Variants in B3GALNT2 observed in about 807,000 individuals in gnomAD.
B3GALNT2 encodes the protein UDP-GalNAc:beta-1,3-N-acetylgalactosaminyltransferase 2.
In B3GALNT2, 53 loss-of-function variants were observed where a neutral mutation model predicts 61.1. That is an observed-to-expected ratio of 0.87 (90% confidence interval 0.70 to 1.09). The LOEUF is 1.09. B3GALNT2 is among the 50% of genes least tolerant of loss of function. The pLI is 0.00. For missense variants in B3GALNT2, 544 were observed against 623.0 expected, an observed-to-expected ratio of 0.87 and a Z score of 1.35; for synonymous variants, 223 against 237.4, an observed-to-expected ratio of 0.94 and a Z score of 0.56.
At chr1:235,495,186 A>G (rs1260693756) in intron 1 of B3GALNT2, among the ~76,000 whole-genome samples, 2 of 152,238 alleles carry the variant, frequency 1.3e-5, no homozygotes, top group African/African-American at 4.8e-5. Flanking sequence ...AGGCTCTATC[A>G]TATATTAACT....
chr1:235,444,363 G>GA (rs1212850018), downstream of B3GALNT2, among the ~76,000 whole-genome samples: 1 of 152,158 alleles, frequency 6.6e-6, no homozygotes, highest in Non-Finnish European at 1.5e-5. Context: ...GGCCCTGGTG[G>GA]AGACAGACTA....
chr1:235,466,504 C>A (rs1019536984), intron 6 of B3GALNT2, among the ~76,000 whole-genome samples: 1 of 152,110 alleles, frequency 6.6e-6, no homozygotes, highest in East Asian at 1.9e-4. Flanking sequence ...AGGTGTGCAC[C>A]ACCATGCCCA....
At chr1:235,455,294 G>A (rs1027267767) in intron 9 of B3GALNT2, among the ~76,000 whole-genome samples, 7 of 151,806 alleles carry the variant, frequency 4.6e-5, no homozygotes, top group African/African-American at 1.7e-4. Context: ...ATTTTTTGTA[G>A]GGACAGGGTC....
At chr1:235,466,491 T>G (rs1417888268) in intron 6 of B3GALNT2, among the ~76,000 whole-genome samples, 1 of 152,198 alleles carries the variant, frequency 6.6e-6, no homozygotes, top group Non-Finnish European at 1.5e-5. Context: ...CAGCTAGCAC[T>G]ACAGGTGTGC....
In B3GALNT2 at chr1:235,448,099, CT is replaced by C. The variant is rs779518151; in HGVS notation, c.*2106del. Among the ~76,000 whole-genome samples the C allele has an allele frequency of 3.3e-5, 5 of 151,600 alleles. No individual in the cohort carries two copies. Among genetic ancestry groups the C allele is most frequent in the Non-Finnish European group, 7.4e-5 (5 of 67,956 alleles). On this transcript the variant is annotated 3_prime_UTR_variant, in exon 12 of 12. Transcript: ENST00000366600. ...TGATGGGCACCAGCTACTCAGGAGGCTGAGGCAGGAGAATTGTTTGAACCCG... is the reference window on the plus strand; with the variant it reads ...TGATGGGCACCAGCTACTCAGGAGGCGAGGCAGGAGAATTGTTTGAACCCG...
At chr1:235,465,399 GT>G (rs1445225767) in intron 7 of B3GALNT2, 3 of 460,916 alleles carry the variant, frequency 6.5e-6, no homozygotes, top group Non-Finnish European at 1.1e-5. Context: ...GGGGTGGGGG[GT>G]TGGGGAGGTA....
At chr1:235,440,128 A>G in the B3GALNT2 span, among the ~76,000 whole-genome samples, 273 of 151,382 alleles carry the variant, frequency 1.8e-3, no homozygotes, top group African/African-American at 4.4e-3. Flanking sequence ...CCACCACCAC[A>G]CCCGGCTAAT....
chr1:235,465,437 G>C, intron 7 of B3GALNT2, 199 bp downstream of exon 7: 1 of 782,418 alleles, frequency 1.3e-6, no homozygotes, highest in South Asian at 2.4e-5. Flanking sequence ...GCTAATGGGT[G>C]TGGGGTTTCC....
intron 3 of B3GALNT2, 25 bp from the exon 4 acceptor site, chr1:235,484,540 T>A (rs1209202835): frequency 6.2e-7 from 1 of 1,604,840 alleles, no homozygotes; most frequent in African/African-American, 1.3e-5. Context: ...CAGGTTTATA[T>A]AACTGAACAA....
intron 6 of B3GALNT2, among the ~76,000 whole-genome samples, chr1:235,466,111 C>CTTT (rs1683681527): frequency 6.6e-6 from 1 of 151,850 alleles, no homozygotes; most frequent in Admixed American, 6.6e-5. Context: ...TCTTGGCATG[C>CTTT]TTTAAAGTTA....
intron 1 of B3GALNT2, among the ~76,000 whole-genome samples, chr1:235,499,906 T>C (rs1402894271): frequency 6.6e-6 from 1 of 152,134 alleles, no homozygotes; most frequent in Non-Finnish European, 1.5e-5. Flanking sequence ...GTAATTTTTA[T>C]ATAGAAAGGA....
the B3GALNT2 span, chr1:235,441,791 A>T: frequency 8.9e-5 from 144 of 1,610,350 alleles, no homozygotes; most frequent in Admixed American, 1.5e-4. Flanking sequence ...TTTATCATTC[A>T]TCTCTTTTGC....
chr1:235,458,660 AC>A lies in B3GALNT2; in HGVS notation c.967del (p.Val323TrpfsTer15). The A allele has an allele frequency of 6.2e-7, 1 of 1,613,222 alleles. No homozygotes were observed. Among genetic ancestry groups the A allele is most frequent in the Non-Finnish European group, 8.5e-7 (1 of 1,179,700 alleles). Reference protein sequence around the residue: ...ESSIYDDIVFVDVVDTYRNVP... With the variant: ...ESSIYDDIVFXDVVDTYRNVP... ...ATTACGATAAGTGTCGACAACATCC[AC>A]AAAAACAATATCATCATAGATGCTG... On this transcript the variant is annotated frameshift_variant, in exon 8 of 12. Transcript: ENST00000366600. LOFTEE classifies it high-confidence loss of function.
chr1:235,454,492 G>A (rs1377154472), intron 9 of B3GALNT2, among the ~76,000 whole-genome samples, 177 bp from the exon 10 acceptor site: 3 of 152,126 alleles, frequency 2.0e-5, no homozygotes, highest in East Asian at 1.9e-4. Context: ...AGGCTGGAGT[G>A]TAGTGGTGCC....
At chr1:235,502,528 T>C (rs924022497) in intron 1 of B3GALNT2, among the ~76,000 whole-genome samples, 12 of 152,226 alleles carry the variant, frequency 7.9e-5, no homozygotes, top group African/African-American at 2.4e-4. Context: ...CCTACGTTAT[T>C]ACCCTGTTCC....
chr1:235,474,981 A>AT (rs1558425458), intron 5 of B3GALNT2, among the ~76,000 whole-genome samples: 154 of 37,442 alleles, frequency 4.1e-3, no homozygotes, highest in Non-Finnish European at 5.4e-3. Context: ...ATATATATAT[A>AT]TATATATTTT....
chr1:235,475,607 A>G (rs993199610), intron 5 of B3GALNT2, among the ~76,000 whole-genome samples: 2 of 152,232 alleles, frequency 1.3e-5, no homozygotes, highest in Non-Finnish European at 2.9e-5. Flanking sequence ...GCCTTGATGC[A>G]GTAAAAAAAA....
At position 235,458,096 on chromosome 1, in the gene B3GALNT2, CAG is replaced by C. The variant is rs542561295; in HGVS notation, c.1025+505_1025+506del. ...CTAATTTTTGTATTTTTAGTAGAAA[CAG>C]GGTTTCACCATGTTGGCCAGGCTGG... is the stretch of plus-strand genomic sequence containing the variant. On this transcript the variant is annotated intron_variant, in intron 8 of 11. Transcript: ENST00000366600. 2.9e-3 allele frequency among the ~76,000 whole-genome samples: 444 copies of C among 152,026 alleles called. 2 individuals are homozygous for C. Among genetic ancestry groups the C allele is most frequent in the African/African-American group, 0.01 (434 of 41,476 alleles).
chr1:235,500,653 T>C (rs951392501), intron 1 of B3GALNT2, among the ~76,000 whole-genome samples: 6 of 152,146 alleles, frequency 3.9e-5, no homozygotes, highest in Admixed American at 2.6e-4. Flanking sequence ...CTGTCACAGA[T>C]CTAATGATAA....
Sources: gnomAD v4.1 joint callset for allele counts (sites outside exome capture counted in the v4.1 genomes callset) on GRCh38, gnomAD v4.1.1 for gene constraint, MANE v1.5 for transcripts, NCBI Gene and HGNC (gene_info 2026-07-23, HGNC 2026-07-21) for gene names.